DNAJC1: variants seen among roughly 807,000 people sequenced by gnomAD.
DNAJC1 encodes the protein dnaJ homolog subfamily C member 1.
Under a neutral mutation model 76.6 loss-of-function variants are expected in DNAJC1, and 58 were observed. The ratio of observed to expected loss-of-function variants is 0.76; its 90% CI spans 0.61 to 0.94. The LOEUF (loss-of-function observed/expected upper bound fraction) is 0.94, where lower values mean the gene tolerates loss of function less well. DNAJC1 is among the 40% of genes least tolerant of loss of function. DNAJC1 has a pLI of 0.00. For missense variants in DNAJC1, 689 were observed against 677.3 expected, an observed-to-expected ratio of 1.02 and a Z score of -0.19; for synonymous variants, 258 against 267.9, an observed-to-expected ratio of 0.96 and a Z score of 0.36.
chr10:21,911,425 T>C (rs1467377428), intron 6 of DNAJC1, among the ~76,000 whole-genome samples: 1 of 152,046 alleles, frequency 6.6e-6, no homozygotes, highest in Non-Finnish European at 1.5e-5. Flanking sequence ...AAAATTACAA[T>C]GAAAAATATA....
intron 9 of DNAJC1, among the ~76,000 whole-genome samples, chr10:21,773,919 A>G (rs1261374649): frequency 6.6e-6 from 1 of 151,418 alleles, no homozygotes; most frequent in Non-Finnish European, 1.5e-5. Context: ...AGGCGGGCGG[A>G]TCACGAGGTC....
chr10:21,860,569 C>G (rs557113976), intron 8 of DNAJC1, among the ~76,000 whole-genome samples: 1 of 152,166 alleles, frequency 6.6e-6, no homozygotes, highest in South Asian at 2.1e-4. Flanking sequence ...TGGTGCGCAC[C>G]TGTAACCTCA....
intron 8 of DNAJC1, among the ~76,000 whole-genome samples, chr10:21,828,212 A>T (rs1052981456): frequency 6.6e-6 from 1 of 152,236 alleles, no homozygotes; most frequent in African/African-American, 2.4e-5. Flanking sequence ...TGGCTGATCT[A>T]GGCTGGGGTC....
At chr10:21,880,359 A>G (rs931867355) in intron 8 of DNAJC1, among the ~76,000 whole-genome samples, 2 of 152,238 alleles carry the variant, frequency 1.3e-5, no homozygotes, top group Non-Finnish European at 1.5e-5. Flanking sequence ...GGCATCTAGA[A>G]TAGTAAATCC....
chr10:21,966,670 A>T (rs2666761), intron 1 of DNAJC1, among the ~76,000 whole-genome samples: 1 of 149,734 alleles, frequency 6.7e-6, no homozygotes, highest in African/African-American at 2.5e-5. Flanking sequence ...TCTTTTGCCC[A>T]CCTCTTTCTT....
chr10:21,801,651 G>C (rs1834814855), intron 9 of DNAJC1, among the ~76,000 whole-genome samples: 1 of 152,152 alleles, frequency 6.6e-6, no homozygotes, highest in Non-Finnish European at 1.5e-5. Context: ...ATACCCAGAG[G>C]AATGTAAATC....
rs529673217 is a variant in DNAJC1 at position 21,939,275 on chromosome 10, G to A, written c.223-10134C>T. Among the ~76,000 whole-genome samples the A allele has an allele frequency of 3.3e-5, 5 of 152,242 alleles. No homozygotes were observed. The East Asian group carries it at 9.7e-4, about 29-fold the overall frequency. ...AAATTGAAGGGAAGATAATCTACCT[G>A]GCTATCAGATTCACTGAGGAAGGAA... is the stretch of plus-strand genomic sequence containing the variant. On this transcript the variant is annotated intron_variant, in intron 1 of 11. Transcript: ENST00000376980.
At chr10:21,842,834 A>G (rs1483823381) in intron 8 of DNAJC1, among the ~76,000 whole-genome samples, 3 of 152,240 alleles carry the variant, frequency 2.0e-5, no homozygotes, top group Non-Finnish European at 4.4e-5. Flanking sequence ...AGGGATATAC[A>G]TAATCTCAAA....
At chr10:21,931,433 C>T (rs985768937) in intron 1 of DNAJC1, among the ~76,000 whole-genome samples, 1 of 152,160 alleles carries the variant, frequency 6.6e-6, no homozygotes, top group Admixed American at 6.5e-5. Flanking sequence ...TTCTTATCTA[C>T]AAAGACATGC....
At chr10:21,867,690 T>C (rs1836026638) in intron 8 of DNAJC1, among the ~76,000 whole-genome samples, 1 of 152,088 alleles carries the variant, frequency 6.6e-6, no homozygotes, top group Non-Finnish European at 1.5e-5. Context: ...AGGTTTCACC[T>C]AGAACCTCAT....
At chr10:21,786,469 G>C (rs868093808) in intron 9 of DNAJC1, among the ~76,000 whole-genome samples, 4 of 130,536 alleles carry the variant, frequency 3.1e-5, no homozygotes, top group Non-Finnish European at 4.8e-5. Context: ...TATATAGAGA[G>C]AGAGAGAGAG....
intron 3 of DNAJC1, among the ~76,000 whole-genome samples, chr10:21,927,667 C>A (rs1298709510): frequency 6.6e-6 from 1 of 152,058 alleles, no homozygotes; most frequent in Non-Finnish European, 1.5e-5. Context: ...GTTTAACATG[C>A]AATAAGAAAT....
At chr10:21,789,733 G>A (rs760767537) in intron 9 of DNAJC1, among the ~76,000 whole-genome samples, 2 of 152,142 alleles carry the variant, frequency 1.3e-5, no homozygotes, top group Non-Finnish European at 2.9e-5. Flanking sequence ...AATACAGCCA[G>A]GTGCAGTGGC....
chr10:21,844,465 C>T (rs1248007256), intron 8 of DNAJC1, among the ~76,000 whole-genome samples: 1 of 151,994 alleles, frequency 6.6e-6, no homozygotes, highest in Non-Finnish European at 1.5e-5. Context: ...TGTAAGGAGA[C>T]ATGAATATTA....
chr10:21,773,627 T>C (rs1239508155), intron 9 of DNAJC1, among the ~76,000 whole-genome samples: 1 of 152,180 alleles, frequency 6.6e-6, no homozygotes, highest in Non-Finnish European at 1.5e-5. Context: ...TAGAAATATG[T>C]TAGGTGAAAG....
At chr10:21,939,949 A>G (rs1187962998) in intron 1 of DNAJC1, among the ~76,000 whole-genome samples, 1 of 150,766 alleles carries the variant, frequency 6.6e-6, no homozygotes, top group African/African-American at 2.4e-5. Flanking sequence ...CTCTCAAAAA[A>G]AAAAAAAAAA....
intron 6 of DNAJC1, among the ~76,000 whole-genome samples, chr10:21,912,980 T>C (rs1417166643): frequency 1.3e-5 from 2 of 151,526 alleles, no homozygotes; most frequent in East Asian, 1.9e-4. Flanking sequence ...CCTTTACTCT[T>C]AGGCAACTTT....
intron 8 of DNAJC1, among the ~76,000 whole-genome samples, chr10:21,857,442 T>C (rs949879172): frequency 1.3e-5 from 2 of 152,274 alleles, no homozygotes; most frequent in Admixed American, 1.3e-4. Context: ...GAAGCTGAGA[T>C]GACAAGACTT....
chr10:21,919,001 G>A (rs1590048778), intron 5 of DNAJC1, 129 bp from the exon 6 acceptor site: 5 of 636,974 alleles, frequency 7.8e-6, no homozygotes, highest in Non-Finnish European at 1.1e-5. Context: ...AAAAAATGAA[G>A]AAAGTATGCA....
Sources: allele counts gnomAD v4.1 joint callset (sites outside exome capture counted in the v4.1 genomes callset), GRCh38; gene constraint gnomAD v4.1.1; transcripts MANE v1.5; gene names NCBI Gene and HGNC (gene_info 2026-07-23, HGNC 2026-07-21).